Variants in KCNH4 observed in about 807,000 individuals in gnomAD.
KCNH4 encodes the protein voltage-gated delayed rectifier potassium channel KCNH4.
KCNH4 carries 33 observed loss-of-function variants against 90.7 expected under a neutral mutation model. That is an observed-to-expected ratio of 0.36 (90% CI 0.28 to 0.49). KCNH4 has a LOEUF of 0.49. Ranked by LOEUF, KCNH4 falls within the 20% of genes least tolerant of loss-of-function variation. KCNH4 has a pLI of 0.98. For synonymous variants in KCNH4, 551 were observed against 581.7 expected (o/e 0.95, Z 0.76); for missense variants, 1,044 against 1,387.1 (o/e 0.75, Z 3.93).
At chr17:42,158,858 T>A (rs58070646) in intron 16 of KCNH4, among the ~76,000 whole-genome samples, 12,000 of 149,548 alleles carry the variant, frequency 0.08, 620 homozygotes, top group African/African-American at 0.15. Flanking sequence ...ATATATATAT[T>A]TTTTTTATAG....
chr17:42,164,714 A>G (rs961335828), intron 11 of KCNH4, among the ~76,000 whole-genome samples: 2 of 152,160 alleles, frequency 1.3e-5, no homozygotes, highest in African/African-American at 4.8e-5. Context: ...AGGCAGGAGA[A>G]TCACTTGAAC....
chr17:42,175,459 A>C, intron 6 of KCNH4, 120 bp downstream of exon 6: 1 of 1,145,672 alleles, frequency 8.7e-7, no homozygotes, highest in Non-Finnish European at 1.3e-6. Flanking sequence ...GGTGCCTGAT[A>C]AATATCTGCA....
At chr17:42,161,751 G>A (rs2079750042) in intron 15 of KCNH4, among the ~76,000 whole-genome samples, 1 of 152,194 alleles carries the variant, frequency 6.6e-6, no homozygotes, top group South Asian at 2.1e-4. Flanking sequence ...GGTACGGAGT[G>A]CCTATGACAT....
intron 4 of KCNH4, among the ~76,000 whole-genome samples, chr17:42,176,509 CTTTTTTTTTTTTTTTT>C (rs869250233): frequency 5.8e-5 from 4 of 68,458 alleles, no homozygotes; most frequent in East Asian, 3.5e-4. Flanking sequence ...GGCCCTCCTC[CTTTTTTTTTTTTTTTT>C]TTTTTTTTTT....
chr17:42,160,904 GTTC>G, intron 15 of KCNH4, among the ~76,000 whole-genome samples: 1 of 144,174 alleles, frequency 6.9e-6, no homozygotes, highest in South Asian at 2.2e-4. Context: ...TTGTCAGGTA[GTTC>G]TTTTTTCTTT....
chr17:42,164,266 T>C (rs2079770963), intron 11 of KCNH4, 98 bp from the exon 12 acceptor site: 6 of 1,099,714 alleles, frequency 5.5e-6, no homozygotes, highest in Non-Finnish European at 7.7e-6. Context: ...GGGTTGAGAA[T>C]GTGGAGTCTT....
In KCNH4 at chr17:42,160,379, C is replaced by T; in HGVS notation, c.2715G>A (p.Met905Ile). ...SQLSRELRHI[M>I]GLLQARLGPP... is the part of the protein sequence containing the mutation. ...GACCCAGCCTGGCCTGCAGCAGGCCCATGATGTGCCGCAGCTCCCGGCTAA... is the reference window on the plus strand; with the variant it reads ...GACCCAGCCTGGCCTGCAGCAGGCCTATGATGTGCCGCAGCTCCCGGCTAA... Residue 905 changes from methionine (M) to isoleucine (I), a missense_variant, in exon 16 of 17, where the codon ATG becomes ATA. Met to Ile is a conservative substitution (Grantham distance 10). Transcript: ENST00000264661. 1 of 1,613,212 alleles carries T rather than the reference C, an allele frequency of 6.2e-7. No individual in the cohort carries two copies. The highest frequency in any genetic ancestry group is 8.5e-7 in the Non-Finnish European group (1 of 1,179,398).
intron 3 of KCNH4, 21 bp downstream of exon 3, chr17:42,178,310 C>T (rs2079876991): frequency 6.2e-7 from 1 of 1,614,012 alleles, no homozygotes; most frequent in Admixed American, 1.7e-5. Context: ...ATTCACACTG[C>T]CCGTCCGGAC....
chr17:42,166,958 A>G (rs2079792553), intron 9 of KCNH4, among the ~76,000 whole-genome samples: 1 of 152,166 alleles, frequency 6.6e-6, no homozygotes. Flanking sequence ...TGTAAAATGC[A>G]GAGTTGTTAT....
intron 16 of KCNH4, among the ~76,000 whole-genome samples, chr17:42,158,765 G>T (rs923706040): frequency 2.0e-5 from 3 of 151,322 alleles, no homozygotes; most frequent in African/African-American, 7.3e-5. Context: ...AACCCAGGAG[G>T]CGGAGCTTGT....
At position 42,167,455 on chromosome 17, in the gene KCNH4, G is replaced by A. The variant is rs149881947; in HGVS notation, c.1591-909C>T. The stretch of plus-strand genomic sequence containing the variant: ...CTAATTTTGTATTTTTAGTAGAGAC[G>A]GGGTTTCACCATGTTGGCCAGGCTG... On this transcript the variant is annotated intron_variant, in intron 9 of 16. Transcript: ENST00000264661. Among the ~76,000 whole-genome samples the A allele has an allele frequency of 1.5e-3, 231 of 152,064 alleles. 1 individual carries two copies. The highest frequency in any genetic ancestry group is 5.3e-3 in the African/African-American group (221 of 41,480).
intron 6 of KCNH4, among the ~76,000 whole-genome samples, chr17:42,172,735 CCTTGTGCTCTACAG>C (rs1226822552): frequency 6.6e-6 from 1 of 151,948 alleles, no homozygotes; most frequent in Non-Finnish European, 1.5e-5. Flanking sequence ...CCACAGTCCA[CCTTGTGCTCTACAG>C]CCACTAAGCA....
At chr17:42,175,845 T>C (rs901754187) in intron 5 of KCNH4, 109 bp from the exon 6 acceptor site, 12 of 1,384,590 alleles carry the variant, frequency 8.7e-6, no homozygotes, top group Non-Finnish European at 1.2e-5. Context: ...CATGGAGAGA[T>C]AGATTGGGCT....
Position 42,169,565 on chromosome 17 carries a change from A to G in KCNH4, c.1502T>C (p.Val501Ala). The G allele has an allele frequency of 6.2e-7, 1 of 1,613,836 alleles. No homozygotes were observed. The highest frequency in any genetic ancestry group is 8.5e-7 in the Non-Finnish European group (1 of 1,180,020). ...RMKDLKDFIR[V>A]HRLPRPLKQR... ...CTTGAGCGGCCGCGGCAGGCGGTGC[A>G]CACGGATGAAGTCCTTGAGGTCCTT... The change falls in exon 9 of 17, where the codon GTG becomes GCG. Residue 501 changes from valine to alanine, a missense_variant. By Grantham distance (64) the Val-to-Ala change is moderately conservative (BLOSUM62 0). Coordinates refer to ENST00000264661, the MANE Select transcript of KCNH4 (RefSeq NM_012285.3).
intron 9 of KCNH4, among the ~76,000 whole-genome samples, chr17:42,167,031 A>C (rs1307607083): frequency 1.3e-5 from 2 of 152,092 alleles, no homozygotes; most frequent in Non-Finnish European, 2.9e-5. Context: ...CCTCATATGG[A>C]GCCCCTTGGC....
In KCNH4 at chr17:42,163,202, G is replaced by T. The variant is rs774201863; in HGVS notation, c.2584+26C>A. 6.8e-7 allele frequency: 1 copy of T among 1,465,720 alleles called. No individual in the cohort carries two copies. Among genetic ancestry groups the T allele is most frequent in the East Asian group, 2.3e-5 (1 of 44,188 alleles). The allele number at this position is 1,465,720 out of a possible 1,614,324, so 90.8% of individuals were successfully genotyped here. Reference sequence around the variant, plus strand: ...AGGTGGATGGGCAGATGGATGACGGGGTTGAAGTCCACTGTTGGCCCTTAC... The same window carrying T: ...AGGTGGATGGGCAGATGGATGACGGTGTTGAAGTCCACTGTTGGCCCTTAC... On this transcript the variant is annotated intron_variant, in intron 14 of 16. Transcript: ENST00000264661. The surrounding 1 kb of genome is among the most constrained non-coding windows in gnomAD (Gnocchi z 5.4).
At position 42,178,354 on chromosome 17, in the gene KCNH4, C is replaced by T. The variant is rs1259034242; in HGVS notation, c.434G>A (p.Gly145Glu). ...QSGSPGLGPQ[G>E]GRGDSNHENS... Reference sequence around the variant, plus strand: ...ACCGTGATTACTGTCCCCGCGGCCTCCTTGGGGGCCAAGTCCTGGGCTTCC... The same window carrying T: ...ACCGTGATTACTGTCCCCGCGGCCTTCTTGGGGGCCAAGTCCTGGGCTTCC... The change falls in exon 3 of 17, where the codon GGA (glycine) becomes GAA (glutamate). Residue 145 changes from glycine to glutamate, a missense_variant. Around this residue, in one of 4 missense-constraint regions of KCNH4, gnomAD observed 283 missense variants for 378.6 expected, o/e 0.75. Transcript: ENST00000264661. 1.2e-6 allele frequency: 2 copies of T among 1,614,274 alleles called. No individual in the cohort carries two copies. The highest frequency in any genetic ancestry group is 2.2e-5 in the East Asian group (1 of 44,890).
chr17:42,163,963 G>A lies in KCNH4; in HGVS notation c.2125-5C>T, dbSNP rs1451750556. 30 of 1,526,076 alleles carry A rather than the reference G, an allele frequency of 2.0e-5. No individual in the cohort carries two copies. The highest frequency in any genetic ancestry group is 7.3e-5 in the East Asian group (3 of 40,932). The allele number at this position is 1,526,076 out of a possible 1,614,324, so 94.5% of individuals were successfully genotyped here. ...GCCGAGGCTTTCTGAGCGGGGCTGC[G>A]GGCAGAGGGGGCAGCTGATGTCGCA... is the stretch of plus-strand genomic sequence containing the variant. On this transcript the variant is annotated splice_polypyrimidine_tract_variant and splice_region_variant and intron_variant, in intron 12 of 16. Transcript: ENST00000264661. This position sits in a 1 kb window ranked among gnomAD's most constrained non-coding sequence, Gnocchi z 5.4.
At chr17:42,177,118 C>T (rs908848118) in intron 4 of KCNH4, among the ~76,000 whole-genome samples, 1 of 151,306 alleles carries the variant, frequency 6.6e-6, no homozygotes, top group Non-Finnish European at 1.5e-5. Flanking sequence ...GGTGCAATCT[C>T]GGCTCACCGC....
Sources: allele counts gnomAD v4.1 joint callset (sites outside exome capture counted in the v4.1 genomes callset), GRCh38; gene constraint gnomAD v4.1.1; regional missense constraint gnomAD v4.1.1; non-coding constraint Gnocchi (gnomAD v3.1); transcripts MANE v1.5; gene names NCBI Gene and HGNC (gene_info 2026-07-23, HGNC 2026-07-21).